SOX6: variants seen among roughly 807,000 people sequenced by gnomAD.
The protein encoded by SOX6 is SRY-box transcription factor 6.
A neutral mutation model predicts 97.8 loss-of-function variants in SOX6; 11 were observed. The ratio of observed to expected loss-of-function variants is 0.11; its 90% confidence interval spans 0.07 to 0.19. SOX6 has a LOEUF of 0.19. SOX6 is among the 10% of genes least tolerant of loss of function. The pLI is 1.00. For synonymous variants in SOX6, 360 were observed against 371.4 expected (o/e 0.97, Z 0.35); for missense variants, 810 against 1,039.5 (o/e 0.78, Z 3.04).
At chr11:16,360,377 C>T (rs1158873389), upstream of SOX6, among the ~76,000 whole-genome samples, 1 of 152,226 alleles carries the variant, frequency 6.6e-6, no homozygotes, top group African/African-American at 2.4e-5. Flanking sequence ...TAATATCTTA[C>T]TTCTTCCAGA....
intron 13 of SOX6, among the ~76,000 whole-genome samples, chr11:16,008,296 T>C (rs993334301): frequency 1.3e-5 from 2 of 152,120 alleles, no homozygotes; most frequent in African/African-American, 4.8e-5. Context: ...AACTTGCAGA[T>C]ACAGACGGCA....
chr11:15,981,801 A>G (rs1853664128), intron 15 of SOX6, among the ~76,000 whole-genome samples: 1 of 152,108 alleles, frequency 6.6e-6, no homozygotes, highest in African/African-American at 2.4e-5. Flanking sequence ...TATAACATAG[A>G]ATATATACTT....
At chr11:16,354,085 G>A (rs751638607) in intron 1 of SOX6, among the ~76,000 whole-genome samples, 22 of 151,952 alleles carry the variant, frequency 1.4e-4, no homozygotes, top group Non-Finnish European at 2.9e-4. Context: ...ATAATGGAAA[G>A]GTTTAGAGGA....
At chr11:16,685,297 C>T (rs1847961023) in intron 3 of SOX6, among the ~76,000 whole-genome samples, 1 of 152,200 alleles carries the variant, frequency 6.6e-6, no homozygotes, top group Admixed American at 6.5e-5. Flanking sequence ...AGTTCCCAGT[C>T]CCAAGTCCAA....
At chr11:16,599,029 T>A (rs1848241146) in intron 4 of SOX6, among the ~76,000 whole-genome samples, 1 of 152,116 alleles carries the variant, frequency 6.6e-6, no homozygotes, top group African/African-American at 2.4e-5. Flanking sequence ...GCACTTTGAA[T>A]TTATCTTATA....
intron 3 of SOX6, among the ~76,000 whole-genome samples, chr11:16,683,364 A>G (rs923865777): frequency 1.3e-5 from 2 of 152,242 alleles, no homozygotes; most frequent in Non-Finnish European, 2.9e-5. Flanking sequence ...CCAAAACAGC[A>G]TGGTACTGGT....
intron 1 of SOX6, among the ~76,000 whole-genome samples, chr11:16,389,495 T>A (rs1321842195): frequency 6.6e-6 from 1 of 152,198 alleles, no homozygotes; most frequent in African/African-American, 2.4e-5. Flanking sequence ...TATCGTTTTT[T>A]TAAGTTCCCT....
chr11:16,132,444 A>AGAAGAAAGAAAGAAAG (rs1554934020), intron 6 of SOX6, among the ~76,000 whole-genome samples: 1 of 27,240 alleles, frequency 3.7e-5, no homozygotes, highest in Non-Finnish European at 6.8e-5. Flanking sequence ...AAAGAAAGAA[A>AGAAGAAAGAAAGAAAG]AAAGAAAGAA....
chr11:16,552,040 C>T (rs547037259), intron 4 of SOX6, among the ~76,000 whole-genome samples: 2 of 152,256 alleles, frequency 1.3e-5, no homozygotes, highest in South Asian at 2.1e-4. Flanking sequence ...CTATAAGATA[C>T]ATCTTCTATT....
At position 16,435,343 on chromosome 11, in the gene SOX6, C is replaced by T. The variant is rs964970162; in HGVS notation, c.-5+40972G>A. Among the ~76,000 whole-genome samples, 7 of 152,104 alleles carry T rather than the reference C, an allele frequency of 4.6e-5. No homozygotes were observed. The South Asian group carries it at 1.0e-3, about 23-fold the overall frequency. ...TTGGTTCTATATCTTTTGCAAATTCCGAATTATCTTTAAATTGTCTTCACA... is the reference window on the plus strand; with the variant it reads ...TTGGTTCTATATCTTTTGCAAATTCTGAATTATCTTTAAATTGTCTTCACA... On this transcript the variant is annotated intron_variant, in intron 1 of 15. Coordinates refer to the SOX6 transcript ENST00000396356.
At chr11:16,465,334 A>G (rs1275116830) in intron 1 of SOX6, among the ~76,000 whole-genome samples, 1 of 152,192 alleles carries the variant, frequency 6.6e-6, no homozygotes, top group African/African-American at 2.4e-5. Flanking sequence ...TTAATCCCTT[A>G]AAACTGCCAG....
intron 9 of SOX6, among the ~76,000 whole-genome samples, chr11:16,062,899 C>T (rs1847993309): frequency 6.6e-6 from 1 of 151,662 alleles, no homozygotes; most frequent in Non-Finnish European, 1.5e-5. Context: ...GTCTGACTTC[C>T]TTATTCTGCC....
At chr11:16,185,695 T>A (rs945970076) in intron 5 of SOX6, among the ~76,000 whole-genome samples, 5 of 152,212 alleles carry the variant, frequency 3.3e-5, no homozygotes, top group Non-Finnish European at 7.4e-5. Context: ...GTGTCAAGAT[T>A]AATTTGTGCT....
intron 3 of SOX6, among the ~76,000 whole-genome samples, chr11:16,691,841 G>A (rs1848015503): frequency 6.6e-6 from 1 of 152,062 alleles, no homozygotes; most frequent in South Asian, 2.1e-4. Flanking sequence ...CATCACTCAA[G>A]ATAATAATCA....
chr11:16,714,501 G>A lies in SOX6; in HGVS notation n.429+329C>T, dbSNP rs1407613778. Among the ~76,000 whole-genome samples, 4 of 141,226 alleles carry A rather than the reference G, an allele frequency of 2.8e-5. 1 individual carries two copies. 92.6% of individuals were successfully genotyped at this position (141,226 alleles called of 152,430 possible). A position where few individuals can be genotyped will look rare whatever the true frequency, so the allele number is the denominator to read the frequency against. On this transcript the variant is annotated intron_variant and non_coding_transcript_variant, in intron 3 of 5. Transcript: ENST00000524520. ...CAGAGTCTTGCTCTGTCGCCAGGCTGGAATGCAGTGGCGCATCTCGGCTCA... is the reference window on the plus strand; with the variant it reads ...CAGAGTCTTGCTCTGTCGCCAGGCTAGAATGCAGTGGCGCATCTCGGCTCA...
intron 12 of SOX6, 46 bp downstream of exon 12, chr11:16,046,466 TGA>T (rs1188979541): frequency 1.9e-6 from 3 of 1,601,416 alleles, no homozygotes. Flanking sequence ...CAGATGAGAG[TGA>T]GCCAATAAGT....
At chr11:16,430,493 T>C (rs1590200775) in intron 1 of SOX6, among the ~76,000 whole-genome samples, 4 of 152,254 alleles carry the variant, frequency 2.6e-5, no homozygotes, top group Admixed American at 2.6e-4. Context: ...GTGGGACCTC[T>C]CAAAGTTGAT....
chr11:16,377,022 C>T (rs751993107), intron 1 of SOX6, among the ~76,000 whole-genome samples: 1 of 151,206 alleles, frequency 6.6e-6, no homozygotes, highest in Non-Finnish European at 1.5e-5. Flanking sequence ...CAAAGGAATT[C>T]TTTTATTTAA....
intron 2 of SOX6, among the ~76,000 whole-genome samples, chr11:16,324,003 C>T (rs1196664200): frequency 3.3e-5 from 5 of 151,936 alleles, no homozygotes; most frequent in Non-Finnish European, 5.9e-5. Context: ...TGCAACATAG[C>T]AAGACCCCAT....
Sources: allele counts gnomAD v4.1 joint callset (sites outside exome capture counted in the v4.1 genomes callset), GRCh38; gene constraint gnomAD v4.1.1; transcripts MANE v1.5; gene names NCBI Gene and HGNC (gene_info 2026-07-23, HGNC 2026-07-21).